The following PDE4D variants were observed in gnomAD, a reference collection of about 807,000 sequenced individuals.
PDE4D encodes phosphodiesterase 4D, also known as 3',5'-cyclic-AMP phosphodiesterase 4D.
A neutral mutation model predicts 87.4 loss-of-function variants in PDE4D; 24 were observed. The observed-to-expected ratio is 0.27, with a 90% CI of 0.20 to 0.39. PDE4D has a LOEUF of 0.39. Ranked by LOEUF, PDE4D falls within the 10% of genes least tolerant of loss-of-function variation. The pLI is 1.00. For missense variants in PDE4D, 714 were observed against 1,041.0 expected (o/e 0.69, Z 4.32); for synonymous variants, 384 against 383.2 (o/e 1.00, Z -0.02).
At chr5:60,385,392 C>T (rs564432759) in intron 1 of PDE4D, among the ~76,000 whole-genome samples, 2 of 152,342 alleles carry the variant, frequency 1.3e-5, no homozygotes, top group Admixed American at 6.5e-5. Context: ...GCTATTCATG[C>T]ATCATTGTCT....
intron 5 of PDE4D, among the ~76,000 whole-genome samples, chr5:59,098,542 TA>T (rs59464520): frequency 0.65 from 94,738 of 146,728 alleles, 30,384 homozygotes; most frequent in East Asian, 0.81. Flanking sequence ...TACAAAAAAT[TA>T]AAAAAAAAAA....
chr5:60,187,130 G>A (rs894047544), intron 1 of PDE4D, among the ~76,000 whole-genome samples: 10 of 152,174 alleles, frequency 6.6e-5, no homozygotes, highest in Non-Finnish European at 1.5e-4. Flanking sequence ...ATGCTTGCCT[G>A]AAGATTAAAG....
chr5:59,553,361 C>T (rs1286147370), intron 1 of PDE4D, among the ~76,000 whole-genome samples: 1 of 152,066 alleles, frequency 6.6e-6, no homozygotes, highest in Non-Finnish European at 1.5e-5. Flanking sequence ...TTGCCATCCC[C>T]CAAGAGTTAT....
At chr5:59,149,803 C>T (rs1361499202) in intron 5 of PDE4D, among the ~76,000 whole-genome samples, 1 of 140,452 alleles carries the variant, frequency 7.1e-6, no homozygotes, top group African/African-American at 2.7e-5. Flanking sequence ...GAAGAGGTTC[C>T]TATCACTAGG....
At chr5:60,519,340 T>C (rs962770718) in intron 1 of PDE4D, among the ~76,000 whole-genome samples, 2 of 152,186 alleles carry the variant, frequency 1.3e-5, no homozygotes. Flanking sequence ...CCCTGAGAAC[T>C]TTACAAAAAA....
intron 5 of PDE4D, among the ~76,000 whole-genome samples, chr5:59,140,167 T>C (rs1482246507): frequency 1.3e-5 from 2 of 152,220 alleles, no homozygotes; most frequent in African/African-American, 4.8e-5. Context: ...CCATGTTGGC[T>C]AGAGGACATC....
intron 1 of PDE4D, among the ~76,000 whole-genome samples, chr5:59,425,637 TATAGAGTTCAAAATAAGGTGGTTGA>T (rs1795086500): frequency 6.6e-6 from 1 of 152,168 alleles, no homozygotes; most frequent in African/African-American, 2.4e-5. Context: ...TTTGAATGAT[TATAGAGTTCAAAATAAGGTGGTTGA>T]ATTTGATAAA....
chr5:59,517,692 A>C (rs1811423047), intron 1 of PDE4D, among the ~76,000 whole-genome samples: 1 of 152,196 alleles, frequency 6.6e-6, no homozygotes, highest in African/African-American at 2.4e-5. Flanking sequence ...ATAGGGTTGT[A>C]GCAGTTACAT....
intron 2 of PDE4D, among the ~76,000 whole-genome samples, chr5:59,215,286 A>G (rs1364455508): frequency 6.6e-6 from 1 of 152,188 alleles, no homozygotes; most frequent in Non-Finnish European, 1.5e-5. Flanking sequence ...AAAGTCCCAC[A>G]AAGATTTCTT....
intron 1 of PDE4D, among the ~76,000 whole-genome samples, chr5:60,371,229 T>C (rs1019629440): frequency 2.6e-5 from 4 of 152,196 alleles, no homozygotes; most frequent in African/African-American, 9.6e-5. Flanking sequence ...TGACGTCTTC[T>C]GAAACAGGAT....
chr5:60,504,871 C>T (rs761391826), intron 1 of PDE4D, among the ~76,000 whole-genome samples: 4 of 152,084 alleles, frequency 2.6e-5, no homozygotes, highest in African/African-American at 9.7e-5. Flanking sequence ...GGTTTAAAGC[C>T]GGGTTGCAAA....
chr5:59,402,441 C>T (rs1173552112), intron 1 of PDE4D, among the ~76,000 whole-genome samples: 2 of 152,122 alleles, frequency 1.3e-5, no homozygotes, highest in Non-Finnish European at 2.9e-5. Flanking sequence ...GTACATGTCT[C>T]CTCTCCCGAA....
At chr5:60,220,629 T>G (rs1161926506) in intron 1 of PDE4D, among the ~76,000 whole-genome samples, 1 of 152,114 alleles carries the variant, frequency 6.6e-6, no homozygotes, top group Admixed American at 6.6e-5. Flanking sequence ...TCCATGAGGT[T>G]GACATGGAAT....
chr5:60,304,602 G>A lies in PDE4D; in HGVS notation c.-89-118915C>T, dbSNP rs1264535505. Among the ~76,000 whole-genome samples the A allele has an allele frequency of 2.1e-5, 3 of 141,970 alleles. No homozygotes were observed. In the East Asian group the frequency reaches 6.2e-4, roughly 29 times the overall value. 93.1% of individuals were successfully genotyped at this position (141,970 alleles called of 152,430 possible). On this transcript the variant is annotated intron_variant, in intron 1 of 16. Transcript: ENST00000502484. ...GGAGCTTGCAGTGAGCCGAGATTGC[G>A]CCACTGCAGTCCGCAGTCCGGCCTG...
intron 1 of PDE4D, among the ~76,000 whole-genome samples, chr5:60,493,120 T>C (rs1311372812): frequency 1.3e-5 from 2 of 152,180 alleles, no homozygotes; most frequent in African/African-American, 4.8e-5. Context: ...AACCCTGCCC[T>C]GTATTTTGCT....
intron 1 of PDE4D, chr5:59,314,289 C>T (rs1773253667): frequency 6.6e-6 from 1 of 152,088 alleles, no homozygotes. Context: ...GGGATGTGCC[C>T]TAGGACTCCT....
intron 2 of PDE4D, among the ~76,000 whole-genome samples, chr5:60,016,739 C>T (rs766926477): frequency 1.3e-5 from 2 of 152,132 alleles, no homozygotes; most frequent in Non-Finnish European, 1.5e-5. Context: ...CATGAAATTG[C>T]AGCAATTCAG....
intron 1 of PDE4D, among the ~76,000 whole-genome samples, chr5:59,235,961 T>C (rs1478307607): frequency 2.0e-5 from 3 of 152,348 alleles, no homozygotes; most frequent in South Asian, 4.1e-4. Context: ...TCCCACTTGA[T>C]ATTCTGAAGA....
chr5:60,268,609 C>T (rs900158011), intron 1 of PDE4D, among the ~76,000 whole-genome samples: 1 of 152,184 alleles, frequency 6.6e-6, no homozygotes, highest in African/African-American at 2.4e-5. Context: ...TGCCTCTGCT[C>T]CCAGCCTCCT....
Sources: allele counts gnomAD v4.1 joint callset (sites outside exome capture counted in the v4.1 genomes callset), GRCh38; gene constraint gnomAD v4.1.1; transcripts MANE v1.5; gene names NCBI Gene and HGNC (gene_info 2026-07-23, HGNC 2026-07-21).